Variants in MRPS12 observed in about 807,000 individuals in gnomAD.
The protein encoded by MRPS12 is mitochondrial ribosomal protein S12, also known as small ribosomal subunit protein uS12m.
Under a neutral mutation model 8.4 loss-of-function variants are expected in MRPS12, and 7 were observed. The ratio of observed to expected loss-of-function variants is 0.83; its 90% CI spans 0.47 to 1.56. The LOEUF is 1.56. Among genes scored for constraint, MRPS12 ranks in the 40% most tolerant of loss-of-function variants. The probability of loss-of-function intolerance (pLI) is 0.01; values close to 1 mark genes in which losing one functional copy is unlikely to be tolerated. For synonymous variants in MRPS12, 84 were observed against 84.1 expected, an observed-to-expected ratio of 1.00 and a Z score of 0.01; for missense variants, 200 against 194.1, an observed-to-expected ratio of 1.03 and a Z score of -0.18.
In MRPS12 at chr19:38,932,535, G is replaced by C; in HGVS notation, c.252G>C (p.Arg84=). The part of the protein sequence containing the change: ...NSANRKCCRV[R]LSTGREAVCF... ...CCAATCGCAAGTGCTGTCGAGTGCG[G>C]CTCAGCACTGGCCGCGAGGCCGTCT... is the stretch of plus-strand genomic sequence containing the variant. Residue 84 remains arginine, a synonymous_variant, in exon 3 of 3, where the codon CGG becomes CGC. Coordinates refer to ENST00000308018, the MANE Select transcript of MRPS12 (RefSeq NM_033362.4). 7.4e-6 allele frequency: 12 copies of C among 1,613,102 alleles called. No homozygotes were observed. Among genetic ancestry groups the C allele is most frequent in the Non-Finnish European group, 1.0e-5 (12 of 1,179,422 alleles).
chr19:38,932,133 CT>C (rs1477112170), intron 2 of MRPS12, among the ~76,000 whole-genome samples, 199 bp from the exon 3 acceptor site: 1 of 125,596 alleles, frequency 8.0e-6, no homozygotes, highest in Non-Finnish European at 1.6e-5. Context: ...GAGACTTTGT[CT>C]CAAAAAAAAA....
intron 1 of MRPS12, 59 bp from the exon 2 acceptor site, chr19:38,931,217 G>A (rs1974741976): frequency 7.4e-7 from 1 of 1,345,132 alleles, no homozygotes; most frequent in African/African-American, 1.5e-5. Context: ...GCGGATCGGG[G>A]AGCATTTGCG....
chr19:38,932,378 C>A lies in MRPS12; in HGVS notation c.95C>A (p.Thr32Asn). ...PRLWATCSMA[T>N]LNQMHRLGPP... is the part of the protein sequence containing the mutation. The stretch of plus-strand genomic sequence containing the variant: ...CTCTGGGCTACCTGCTCCATGGCTA[C>A]CCTGAACCAGATGCACCGCCTGGGG... Residue 32 changes from threonine to asparagine, a missense_variant, in exon 3 of 3, where the codon ACC (threonine) becomes AAC (asparagine). Coordinates refer to ENST00000308018, the MANE Select transcript of MRPS12 (RefSeq NM_033362.4). The A allele has an allele frequency of 6.3e-7, 1 of 1,589,590 alleles. No individual in the cohort carries two copies.
chr19:38,930,993 T>C lies in MRPS12; in HGVS notation c.-25T>C, dbSNP rs1036056354. The C allele has an allele frequency of 1.0e-5, 6 of 598,792 alleles. No individual in the cohort carries two copies. In the Middle Eastern group the frequency reaches 1.3e-3, roughly 132 times the overall value. 37.1% of individuals were successfully genotyped at this position (598,792 alleles called of 1,614,324 possible). ...TGTCCGCGACCTCACCTTTAGGTCC[T>C]GTGAGGTCGGTGGAATCCTGGGGTC... On this transcript the variant is annotated 5_prime_UTR_variant, in exon 1 of 3. Coordinates refer to ENST00000308018, the MANE Select transcript of MRPS12 (RefSeq NM_033362.4).
intron 2 of MRPS12, 120 bp downstream of exon 2, chr19:38,931,463 T>G (rs775872232): frequency 1.6e-4 from 159 of 992,956 alleles, no homozygotes; most frequent in Non-Finnish European, 2.0e-4. Context: ...CGGTGGGGTT[T>G]TGGCAGAGCT....
In MRPS12 at chr19:38,932,483, C is replaced by G. The variant is rs111688400; in HGVS notation, c.200C>G (p.Thr67Ser). 6.8e-6 allele frequency: 11 copies of G among 1,613,272 alleles called. No homozygotes were observed. Among genetic ancestry groups the G allele is most frequent in the African/African-American group, 4.0e-5 (3 of 75,044 alleles). The stretch of plus-strand genomic sequence containing the variant: ...AAGGGTGTGGTCCTGTGCACGTTTA[C>G]CCGCAAGCCGAAGAAGCCCAACTCA... ...QLKGVVLCTF[T>S]RKPKKPNSAN... is the part of the protein sequence containing the mutation. Residue 67 changes from threonine to serine, a missense_variant, in exon 3 of 3, where the codon ACC becomes AGC. By Grantham distance (58) the Thr-to-Ser change is moderately conservative. Coordinates refer to ENST00000308018, the MANE Select transcript of MRPS12 (RefSeq NM_033362.4).
Position 38,932,779 on chromosome 19 carries a change from C to T in MRPS12, c.*79C>T. ...CTGGCTGCCACAGGGTCCTCCGATG[C>T]TGGCCTTTGCGCCTCTAGAGGCAGC... is the stretch of plus-strand genomic sequence containing the variant. On this transcript the variant is annotated 3_prime_UTR_variant, in exon 3 of 3. Transcript: ENST00000308018. The T allele has an allele frequency of 1.3e-6, 2 of 1,541,810 alleles. No homozygotes were observed. Among genetic ancestry groups the T allele is most frequent in the Non-Finnish European group, 1.7e-6 (2 of 1,146,620 alleles).
chr19:38,931,414 C>A, intron 2 of MRPS12, 71 bp downstream of exon 2: 1 of 1,411,966 alleles, frequency 7.1e-7, no homozygotes, highest in Non-Finnish European at 9.5e-7. Flanking sequence ...ACTTGTGTGC[C>A]TCCGTCGGAG....
In MRPS12 at chr19:38,932,312, AC is replaced by A. The variant is rs1974768343; in HGVS notation, c.50-17del. ...CTAAGATCTGTTCTCTGGGATAATA[AC>A]CCCTTTCGGCCCTCTCCAGGCCCAG... On this transcript the variant is annotated intron_variant, in intron 2 of 2. Transcript: ENST00000308018. 9 of 1,505,720 alleles carry A rather than the reference AC, an allele frequency of 6.0e-6. No homozygotes were observed. Among genetic ancestry groups the A allele is most frequent in the Non-Finnish European group, 8.0e-6 (9 of 1,129,672 alleles). The allele number at this position is 1,505,720 out of a possible 1,614,324, so 93.3% of individuals were successfully genotyped here.
chr19:38,931,351 G>C lies in MRPS12; in HGVS notation c.49+8G>C, dbSNP rs750094950. The C allele has an allele frequency of 2.8e-5, 44 of 1,587,132 alleles. No individual in the cohort carries two copies. Among genetic ancestry groups the C allele is most frequent in the Non-Finnish European group, 3.8e-5 (44 of 1,167,268 alleles). ...ACACGTCCCTAACTTGTGGTAAGTG[G>C]GGGACTTGGGCTTCAGGGACGAGGC... On this transcript the variant is annotated splice_region_variant and intron_variant, in intron 2 of 2. Coordinates refer to ENST00000308018, the MANE Select transcript of MRPS12 (RefSeq NM_033362.4).
chr19:38,933,015 T>C lies in MRPS12; in HGVS notation c.*315T>C. ...AATAAACAGACCCTGGCGCTTGTGA[T>C]GTAAATCCCCTTGTGGAGTATTTGC... On this transcript the variant is annotated 3_prime_UTR_variant, in exon 3 of 3. Transcript: ENST00000308018. The C allele has an allele frequency of 3.2e-6, 1 of 311,842 alleles. No homozygotes were observed. The highest frequency in any genetic ancestry group is 6.0e-6 in the Non-Finnish European group (1 of 166,172). The allele number at this position is 311,842 out of a possible 1,614,324, so 19.3% of individuals were successfully genotyped here.
chr19:38,931,381 G>T, intron 2 of MRPS12, 38 bp downstream of exon 2: 1 of 1,542,018 alleles, frequency 6.5e-7, no homozygotes, highest in Non-Finnish European at 8.7e-7. Context: ...CGAGGCTAGA[G>T]GGGGAGGGTT....
chr19:38,931,166 A>G (rs1362741325), intron 1 of MRPS12, 110 bp from the exon 2 acceptor site: 5 of 838,950 alleles, frequency 6.0e-6, no homozygotes, highest in African/African-American at 5.1e-5. Flanking sequence ...GGTTAGACCT[A>G]TAGAGGTATT....
At position 38,932,287 on chromosome 19, in the gene MRPS12, C is replaced by T. The variant is rs776289182; in HGVS notation, c.50-46C>T. 3 of 1,495,464 alleles carry T rather than the reference C, an allele frequency of 2.0e-6. No individual in the cohort carries two copies. The East Asian group carries it at 6.9e-5, about 34-fold the overall frequency. 92.6% of individuals were successfully genotyped at this position (1,495,464 alleles called of 1,614,324 possible). On this transcript the variant is annotated intron_variant, in intron 2 of 2. Transcript: ENST00000308018. ...ACACCAAAATTGAGTTGCTACTACT[C>T]TAAGATCTGTTCTCTGGGATAATAA...
rs1326428443 is a variant in MRPS12 at position 38,932,705 on chromosome 19, T to TG, written c.*10dup. 5 of 1,611,452 alleles carry TG rather than the reference T, an allele frequency of 3.1e-6. No individual in the cohort carries two copies. Among genetic ancestry groups the TG allele is most frequent in the Non-Finnish European group, 2.5e-6 (3 of 1,179,610 alleles). The stretch of plus-strand genomic sequence containing the variant: ...GGCCACGTGCAGAAGAAGTGACGGC[T>TG]GGGGGCACAGTGGGCTGGGCGCCCC... On this transcript the variant is annotated 3_prime_UTR_variant, in exon 3 of 3. Transcript: ENST00000308018.
rs766609200 is a variant in MRPS12 at position 38,932,398 on chromosome 19, C to G, written c.115C>G (p.Leu39Val). ...SMATLNQMHR[L>V]GPPKRPPRKL... ...GGCTACCCTGAACCAGATGCACCGC[C>G]TGGGGCCCCCCAAGCGGCCGCCTCG... is the stretch of plus-strand genomic sequence containing the variant. Residue 39 changes from leucine (L) to valine (V), a missense_variant, in exon 3 of 3, where the codon CTG (leucine) becomes GTG (valine). Leu to Val is a conservative substitution (Grantham distance 32). Coordinates refer to ENST00000308018, the MANE Select transcript of MRPS12 (RefSeq NM_033362.4). The G allele has an allele frequency of 6.2e-7, 1 of 1,603,944 alleles. No homozygotes were observed. The highest frequency in any genetic ancestry group is 1.1e-5 in the South Asian group (1 of 90,086).
chr19:38,931,413 C>G, intron 2 of MRPS12, 70 bp downstream of exon 2: 1 of 1,412,696 alleles, frequency 7.1e-7, no homozygotes, highest in South Asian at 1.4e-5. Context: ...GACTTGTGTG[C>G]CTCCGTCGGA....
rs761855180 is a variant in MRPS12 at position 38,932,545 on chromosome 19, G to A, written c.262G>A (p.Gly88Ser). 3 of 1,612,920 alleles carry A rather than the reference G, an allele frequency of 1.9e-6. No individual in the cohort carries two copies. Among genetic ancestry groups the A allele is most frequent in the South Asian group, 1.1e-5 (1 of 91,046 alleles). ...RKCCRVRLST[G>S]REAVCFIPGE... ...GTGCTGTCGAGTGCGGCTCAGCACT[G>A]GCCGCGAGGCCGTCTGCTTCATCCC... Residue 88 changes from glycine to serine, a missense_variant, in exon 3 of 3, where the codon GGC becomes AGC. Transcript: ENST00000308018.
At chr19:38,931,967 T>A (rs1974759488) in intron 2 of MRPS12, 1 of 176,040 alleles carries the variant, frequency 5.7e-6, no homozygotes, top group Non-Finnish European at 1.2e-5. Context: ...AAACCCCGTC[T>A]CTACTTAAAA....
Sources: gnomAD v4.1 joint callset for allele counts (sites outside exome capture counted in the v4.1 genomes callset) on GRCh38, gnomAD v4.1.1 for gene constraint, MANE v1.5 for transcripts, NCBI Gene and HGNC (gene_info 2026-07-23, HGNC 2026-07-21) for gene names.